UGT1A10: variants seen among roughly 807,000 people sequenced by gnomAD.
The protein encoded by UGT1A10 is UDP-glucuronosyltransferase 1A10.
Under a neutral mutation model 45.8 loss-of-function variants are expected in UGT1A10, and 49 were observed. The observed-to-expected ratio is 1.07, with a 90% CI of 0.85 to 1.36. The LOEUF (loss-of-function observed/expected upper bound fraction) is 1.36. UGT1A10 is among the 40% of genes most tolerant of loss of function. The pLI, the probability that UGT1A10 is intolerant of heterozygous loss-of-function variation, is 0.00. For synonymous variants in UGT1A10, 284 were observed against 249.7 expected, an observed-to-expected ratio of 1.14 and a Z score of -1.29; for missense variants, 745 against 668.6, an observed-to-expected ratio of 1.11 and a Z score of -1.26.
At chr2:233,728,904 C>T (rs1575577301) in intron 1 of UGT1A10, among the ~76,000 whole-genome samples, 3 of 150,724 alleles carry the variant, frequency 2.0e-5, no homozygotes, top group South Asian at 4.1e-4. Flanking sequence ...CAGGGTCAGA[C>T]GTGTTTTTCA....
chr2:233,678,846 T>G (rs892864220), intron 1 of UGT1A10, among the ~76,000 whole-genome samples: 4 of 152,204 alleles, frequency 2.6e-5, no homozygotes, highest in Non-Finnish European at 5.9e-5. Context: ...ATCCCCAACA[T>G]TTTGTTGCTG....
At chr2:233,672,312 T>A in intron 1 of UGT1A10, 1 of 1,613,218 alleles carries the variant, frequency 6.2e-7, no homozygotes, top group Non-Finnish European at 8.5e-7. Flanking sequence ...ATTGCAGGAG[T>A]TTGTTTAAAG....
chr2:233,713,135 G>A (rs772419709), intron 1 of UGT1A10: 5 of 1,614,098 alleles, frequency 3.1e-6, no homozygotes, highest in African/African-American at 1.3e-5. Context: ...GGGAGGCCTT[G>A]CGGGACCTCC....
intron 1 of UGT1A10, among the ~76,000 whole-genome samples, chr2:233,698,008 G>A (rs556681308): frequency 6.6e-6 from 1 of 152,082 alleles, no homozygotes; most frequent in Non-Finnish European, 1.5e-5. Context: ...TATCATTTCT[G>A]CACATTGGTA....
At chr2:233,764,430 T>C (rs1698558125) in intron 1 of UGT1A10, among the ~76,000 whole-genome samples, 1 of 152,218 alleles carries the variant, frequency 6.6e-6, no homozygotes, top group African/African-American at 2.4e-5. Flanking sequence ...AATCTCCAGA[T>C]GAACTTTTGT....
intron 1 of UGT1A10, chr2:233,747,993 T>G: frequency 6.2e-7 from 1 of 1,613,560 alleles, no homozygotes; most frequent in Non-Finnish European, 8.5e-7. Context: ...CCGAGGGGAC[T>G]TTGTGATGGA....
Position 233,642,564 on chromosome 2 carries a change from C to T in UGT1A10, c.855+5187C>T, listed in dbSNP as rs147741259. Among the ~76,000 whole-genome samples, 417 of 152,282 alleles carry T rather than the reference C, an allele frequency of 2.7e-3. 1 individual carries two copies. Among genetic ancestry groups the T allele is most frequent in the African/African-American group, 9.2e-3 (382 of 41,548 alleles). On this transcript the variant is annotated intron_variant, in intron 1 of 4. Coordinates refer to ENST00000344644, the MANE Select transcript of UGT1A10 (RefSeq NM_019075.4). ...ATGAGGTCATGGTTTTCCTGAATGG[C>T]GTTGATGCTAGCAGACATTCTTCAG...
At chr2:233,741,761 G>T (rs1691766534) in intron 1 of UGT1A10, 3 of 151,840 alleles carry the variant, frequency 2.0e-5, no homozygotes, top group Admixed American at 6.5e-5. Flanking sequence ...TTAATGATGT[G>T]TTCAGGCCAT....
At chr2:233,760,129 C>T (rs1575768749) in intron 1 of UGT1A10, 2 of 1,354,926 alleles carry the variant, frequency 1.5e-6, no homozygotes, top group Non-Finnish European at 2.0e-6. Flanking sequence ...GCTCCACCTT[C>T]TTTATCTCTG....
chr2:233,638,464 G>T (rs975684585), intron 1 of UGT1A10, among the ~76,000 whole-genome samples: 3 of 152,112 alleles, frequency 2.0e-5, no homozygotes, highest in African/African-American at 7.2e-5. Context: ...TCCCTTGTCT[G>T]ATATTTGTAC....
chr2:233,726,709 GA>G (rs2077554030), intron 1 of UGT1A10, among the ~76,000 whole-genome samples: 1 of 152,172 alleles, frequency 6.6e-6, no homozygotes, highest in African/African-American at 2.4e-5. Flanking sequence ...TCCCAGGTTT[GA>G]GGAAGTACAA....
intron 1 of UGT1A10, among the ~76,000 whole-genome samples, chr2:233,661,175 T>C (rs943673017): frequency 6.6e-6 from 1 of 151,952 alleles, no homozygotes; most frequent in Non-Finnish European, 1.5e-5. Context: ...ACTTTTTTTT[T>C]CTGAAATATG....
intron 1 of UGT1A10, among the ~76,000 whole-genome samples, chr2:233,682,966 G>A (rs917597536): frequency 2.0e-5 from 3 of 152,118 alleles, no homozygotes; most frequent in Non-Finnish European, 4.4e-5. Context: ...GTATAAAGCA[G>A]CTCTTGTTGA....
intron 1 of UGT1A10, chr2:233,717,765 A>G (rs542569654): frequency 6.4e-5 from 29 of 456,606 alleles, no homozygotes; most frequent in African/African-American, 5.0e-4. Flanking sequence ...AAAGGCACAC[A>G]TTTAATTCTC....
intron 1 of UGT1A10, chr2:233,690,424 A>C (rs1327436019): frequency 8.0e-7 from 1 of 1,244,126 alleles, no homozygotes; most frequent in African/African-American, 1.5e-5. Flanking sequence ...ACCTTCATGC[A>C]CATCTTTGGG....
chr2:233,719,788 G>A, intron 1 of UGT1A10: 1 of 1,609,458 alleles, frequency 6.2e-7, no homozygotes, highest in Non-Finnish European at 8.5e-7. Flanking sequence ...TCTTTCCAAA[G>A]ATTTTATTTT....
intron 1 of UGT1A10, chr2:233,755,246 CAGCACCTCGTAGT>C (rs1394904352): frequency 2.4e-6 from 2 of 850,962 alleles, no homozygotes; most frequent in Non-Finnish European, 3.5e-6. Flanking sequence ...GGGGTACTCC[CAGCACCTCGTAGT>C]AGTCCACTAT....
intron 1 of UGT1A10, chr2:233,755,261 G>C (rs1442150755): frequency 1.2e-6 from 1 of 807,566 alleles, no homozygotes; most frequent in African/African-American, 1.7e-5. Flanking sequence ...CCTCGTAGTA[G>C]TCCACTATGC....
intron 1 of UGT1A10, chr2:233,691,414 C>A (rs1302692454): frequency 2.0e-6 from 2 of 985,422 alleles, no homozygotes; most frequent in African/African-American, 1.7e-5. Context: ...TTGGAGTGGC[C>A]CCTCTAATCA....
Sources: gnomAD v4.1 joint callset for allele counts (sites outside exome capture counted in the v4.1 genomes callset) on GRCh38, gnomAD v4.1.1 for gene constraint, MANE v1.5 for transcripts, NCBI Gene and HGNC (gene_info 2026-07-23, HGNC 2026-07-21) for gene names.